Variants in STAU2 observed in about 807,000 individuals in gnomAD.
STAU2 encodes double-stranded RNA-binding protein Staufen homolog 2.
STAU2 carries 20 observed loss-of-function variants against 65.9 expected under a neutral mutation model. That is an observed-to-expected ratio of 0.30 (90% CI 0.21 to 0.44). The LOEUF (loss-of-function observed/expected upper bound fraction) is 0.44. Ranked by LOEUF, STAU2 falls within the 20% of genes least tolerant of loss-of-function variation. The pLI, the probability that STAU2 is intolerant of heterozygous loss-of-function variation, is 1.00. For synonymous variants in STAU2, 232 were observed against 233.9 expected (o/e 0.99, Z 0.07); for missense variants, 558 against 683.9 (o/e 0.82, Z 2.05).
At chr8:73,591,668 A>G (rs1810786307) in intron 11 of STAU2, among the ~76,000 whole-genome samples, 1 of 152,064 alleles carries the variant, frequency 6.6e-6, no homozygotes, top group Non-Finnish European at 1.5e-5. Flanking sequence ...GTATACATAT[A>G]TAACAACAAA....
chr8:73,711,150 A>C (rs1327645171), intron 3 of STAU2, among the ~76,000 whole-genome samples: 1 of 150,492 alleles, frequency 6.6e-6, no homozygotes, highest in Non-Finnish European at 1.5e-5. Context: ...AAAAAAAAAA[A>C]AAAAAAACTA....
chr8:73,668,106 T>G (rs1255043542), intron 6 of STAU2, among the ~76,000 whole-genome samples: 2 of 152,160 alleles, frequency 1.3e-5, no homozygotes, highest in East Asian at 3.8e-4. Flanking sequence ...ATGGACAGTT[T>G]ACTCCAAGTG....
At chr8:73,516,638 T>C (rs1822742252) in intron 13 of STAU2, among the ~76,000 whole-genome samples, 1 of 152,154 alleles carries the variant, frequency 6.6e-6, no homozygotes, top group African/African-American at 2.4e-5. Context: ...AAAGGAATTT[T>C]GGACATGGGG....
intron 13 of STAU2, among the ~76,000 whole-genome samples, chr8:73,452,831 A>C (rs907450350): frequency 2.0e-5 from 3 of 152,258 alleles, no homozygotes; most frequent in African/African-American, 7.2e-5. Context: ...ATTACAGTGT[A>C]TCTCAGTGAC....
At chr8:73,455,763 T>G (rs925397605) in intron 13 of STAU2, among the ~76,000 whole-genome samples, 2 of 152,214 alleles carry the variant, frequency 1.3e-5, no homozygotes, top group South Asian at 4.1e-4. Flanking sequence ...ATAGTTTTTT[T>G]TATTTTTTTA....
At chr8:73,594,496 G>C (rs542819586) in intron 11 of STAU2, among the ~76,000 whole-genome samples, 13 of 152,292 alleles carry the variant, frequency 8.5e-5, no homozygotes, top group African/African-American at 3.1e-4. Flanking sequence ...ATGTTTGGTA[G>C]AAATAATGTC....
intron 12 of STAU2, among the ~76,000 whole-genome samples, chr8:73,566,181 T>C (rs906576276): frequency 3.3e-5 from 5 of 152,302 alleles, no homozygotes; most frequent in Non-Finnish European, 5.9e-5. Flanking sequence ...AATCTATGAA[T>C]CATCTTAACA....
intron 13 of STAU2, among the ~76,000 whole-genome samples, chr8:73,485,508 T>A (rs540295981): frequency 5.3e-5 from 8 of 151,972 alleles, no homozygotes; most frequent in Admixed American, 5.2e-4. Flanking sequence ...TGCTAGAGAA[T>A]TAAAATACAT....
chr8:73,611,928 C>T lies in STAU2; in HGVS notation c.891+1816G>A, dbSNP rs370733837. Among the ~76,000 whole-genome samples, 99 of 152,168 alleles carry T rather than the reference C, an allele frequency of 6.5e-4. 1 individual carries two copies. In the South Asian group the frequency reaches 0.012, roughly 19 times the overall value. ...AACTCCTAGCCTCAAATGATCCACCCGCCTCAGCCTCCCAAAAGTGCTGGG... is the reference window on the plus strand; with the variant it reads ...AACTCCTAGCCTCAAATGATCCACCTGCCTCAGCCTCCCAAAAGTGCTGGG... On this transcript the variant is annotated intron_variant, in intron 9 of 14. Transcript: ENST00000524300.
chr8:73,510,843 T>C (rs1214238731), intron 13 of STAU2, among the ~76,000 whole-genome samples: 4 of 152,250 alleles, frequency 2.6e-5, no homozygotes, highest in South Asian at 2.1e-4. Context: ...TTATAGAAAC[T>C]ACAATTAAAG....
chr8:73,623,636 AC>A (rs748139421), intron 6 of STAU2, among the ~76,000 whole-genome samples: 1 of 152,180 alleles, frequency 6.6e-6, no homozygotes, highest in Non-Finnish European at 1.5e-5. Flanking sequence ...TGTTTAAAGG[AC>A]CCTAAAGGCC....
intron 13 of STAU2, among the ~76,000 whole-genome samples, chr8:73,492,908 A>C (rs1316771572): frequency 6.6e-6 from 1 of 151,910 alleles, no homozygotes; most frequent in African/African-American, 2.4e-5. Flanking sequence ...ATACACTGGC[A>C]TACATGCAGC....
intron 12 of STAU2, among the ~76,000 whole-genome samples, chr8:73,577,468 T>C (rs1425097484): frequency 6.7e-6 from 1 of 150,318 alleles, no homozygotes; most frequent in Non-Finnish European, 1.5e-5. Context: ...CACACACATA[T>C]ATATAATATT....
intron 13 of STAU2, among the ~76,000 whole-genome samples, chr8:73,443,012 C>T (rs1449360451): frequency 6.6e-6 from 1 of 152,160 alleles, no homozygotes; most frequent in Non-Finnish European, 1.5e-5. Context: ...CAAAGCATTC[C>T]AATACGCAAC....
Position 73,674,722 on chromosome 8 carries a change from A to C in STAU2, c.275-1480T>G, listed in dbSNP as rs539661773. On this transcript the variant is annotated intron_variant, in intron 5 of 14. Coordinates refer to ENST00000524300, the MANE Select transcript of STAU2 (RefSeq NM_001164380.2). The stretch of plus-strand genomic sequence containing the variant: ...ATTATTTTATATATATATAAAATAT[A>C]CATAAAATAGACTAAAGAATTAATG... Among the ~76,000 whole-genome samples the C allele has an allele frequency of 2.8e-4, 42 of 150,354 alleles. No homozygotes were observed. In the South Asian group the frequency reaches 7.1e-3, roughly 25 times the overall value.
chr8:73,690,485 G>C (rs781241114), intron 4 of STAU2, among the ~76,000 whole-genome samples: 2 of 152,108 alleles, frequency 1.3e-5, no homozygotes, highest in African/African-American at 2.4e-5. Flanking sequence ...TATACATTAA[G>C]TAATAGGTTT....
Position 73,746,828 on chromosome 8 carries a change from AC to A in STAU2, c.-243del. On this transcript the variant is annotated 5_prime_UTR_variant, in exon 1 of 15. In the 5' UTR this introduces an upstream ATG that the reference lacks. Transcript: ENST00000524300. ...GCAGACGGCTCCAACATTGGCAAAC[AC>A]TACAGAGAACTGACCCCGCTCGGCC... 1.6e-6 allele frequency: 2 copies of A among 1,224,302 alleles called. No homozygotes were observed. The highest frequency in any genetic ancestry group is 8.2e-5 in the South Asian group (2 of 24,312). The allele number at this position is 1,224,302 out of a possible 1,614,324, so 75.8% of individuals were successfully genotyped here. A position where few individuals can be genotyped will look rare whatever the true frequency, so the allele number is the denominator to read the frequency against.
intron 13 of STAU2, among the ~76,000 whole-genome samples, chr8:73,503,770 T>C (rs1311913179): frequency 6.6e-6 from 1 of 152,020 alleles, no homozygotes; most frequent in Non-Finnish European, 1.5e-5. Flanking sequence ...AAAGTGAAAA[T>C]TTGTCTCTTG....
intron 6 of STAU2, among the ~76,000 whole-genome samples, chr8:73,647,714 G>A (rs1333162512): frequency 2.0e-5 from 3 of 151,878 alleles, no homozygotes; most frequent in Non-Finnish European, 4.4e-5. Flanking sequence ...AAGTAGCCAG[G>A]ACAACACACA....
Sources: gnomAD v4.1 joint callset for allele counts (sites outside exome capture counted in the v4.1 genomes callset) on GRCh38, gnomAD v4.1.1 for gene constraint, MANE v1.5 for transcripts, NCBI Gene and HGNC (gene_info 2026-07-23, HGNC 2026-07-21) for gene names.